The following SEC24D variants were observed in gnomAD, a reference collection of about 807,000 sequenced individuals.
SEC24D encodes the protein SEC24 homolog D, COPII component, also known as protein transport protein Sec24D.
SEC24D carries 69 observed loss-of-function variants against 116.9 expected under a neutral mutation model. The observed-to-expected ratio is 0.59, with a 90% CI of 0.49 to 0.72. SEC24D has a LOEUF of 0.72. SEC24D is among the 30% of genes least tolerant of loss of function. The pLI, the probability that SEC24D is intolerant of heterozygous loss-of-function variation, is 0.00. For missense variants in SEC24D, 1,131 were observed against 1,264.1 expected (o/e 0.89, Z 1.60); for synonymous variants, 405 against 442.8 (o/e 0.91, Z 1.07).
chr4:118,826,898 G>A (rs1730613651), intron 2 of SEC24D, among the ~76,000 whole-genome samples: 1 of 152,216 alleles, frequency 6.6e-6, no homozygotes, highest in East Asian at 1.9e-4. Context: ...AGGTGCCTTT[G>A]AGCCATTTGA....
rs1455758932 is a variant in SEC24D, at chr4:118,817,393, CA to C, written c.267del (p.Val90SerfsTer181). On this transcript the variant is annotated frameshift_variant, in exon 4 of 23. Transcript: ENST00000280551. LOFTEE classifies it high-confidence loss of function. ...HPPQRFPGPPPVNNVASSHAP... is the reference protein window; with the variant it reads ...HPPQRFPGPPXVNNVASSHAP... The stretch of plus-strand genomic sequence containing the variant: ...GCATGTGAGGATGCCACATTGTTGA[CA>C]GGTGGAGGGCCTGGAAATCTGAGAG... 11 of 1,610,162 alleles carry C rather than the reference CA, an allele frequency of 6.8e-6. No individual in the cohort carries two copies. Among genetic ancestry groups the C allele is most frequent in the Admixed American group, 1.7e-5 (1 of 59,334 alleles).
At chr4:118,738,466 A>G (rs1262626205) in intron 18 of SEC24D, 87 bp from the exon 19 acceptor site, 5 of 931,890 alleles carry the variant, frequency 5.4e-6, no homozygotes, top group East Asian at 4.9e-5. Context: ...ACAAGTTGCT[A>G]TTATCTTCAG....
chr4:118,818,950 C>A (rs995556195), intron 3 of SEC24D, among the ~76,000 whole-genome samples: 2 of 152,198 alleles, frequency 1.3e-5, no homozygotes, highest in African/African-American at 4.8e-5. Context: ...TTAGGCTAAG[C>A]ACCCTTTGAC....
At chr4:118,803,979 A>G (rs1431654094) in intron 7 of SEC24D, among the ~76,000 whole-genome samples, 1 of 152,160 alleles carries the variant, frequency 6.6e-6, no homozygotes, top group African/African-American at 2.4e-5. Flanking sequence ...CTGGCACATA[A>G]TAGGTACTGA....
chr4:118,746,298 A>T (rs1201085554), intron 13 of SEC24D, among the ~76,000 whole-genome samples: 1 of 150,790 alleles, frequency 6.6e-6, no homozygotes, highest in Non-Finnish European at 1.5e-5. Flanking sequence ...ACAGTCCTTT[A>T]TCTGGGTGGG....
In SEC24D at chr4:118,731,581, C is replaced by T. The variant is rs1186440506; in HGVS notation, c.2677-74G>A. The T allele has an allele frequency of 1.1e-5, 14 of 1,303,388 alleles. No homozygotes were observed. In the East Asian group the frequency reaches 3.2e-4, roughly 30 times the overall value. 80.7% of individuals were successfully genotyped at this position (1,303,388 alleles called of 1,614,324 possible). On this transcript the variant is annotated intron_variant, in intron 20 of 22. Coordinates refer to ENST00000280551, the MANE Select transcript of SEC24D (RefSeq NM_014822.4). The stretch of plus-strand genomic sequence containing the variant: ...CTTCCCTCCTTCCTCTTTTCCTTTC[C>T]TTTTTCCTCCCTCCCCTCCCTCAAT...
At chr4:118,753,257 G>A (rs1202554655) in intron 11 of SEC24D, among the ~76,000 whole-genome samples, 1 of 151,990 alleles carries the variant, frequency 6.6e-6, no homozygotes, top group Non-Finnish European at 1.5e-5. Flanking sequence ...GTCACCAGAA[G>A]GTCAGAAGAA....
At chr4:118,797,255 G>A (rs1729218150) in intron 8 of SEC24D, among the ~76,000 whole-genome samples, 3 of 152,138 alleles carry the variant, frequency 2.0e-5, no homozygotes, top group Non-Finnish European at 2.9e-5. Flanking sequence ...GAGTTGATGA[G>A]TATCCTGGCC....
At chr4:118,725,136 A>C (rs1013809575) in intron 22 of SEC24D, among the ~76,000 whole-genome samples, 1 of 152,202 alleles carries the variant, frequency 6.6e-6, no homozygotes. Flanking sequence ...TAGTAAAAAT[A>C]ATAATATATA....
At chr4:118,752,524 A>G (rs1349973212) in intron 12 of SEC24D, among the ~76,000 whole-genome samples, 173 bp downstream of exon 12, 2 of 152,204 alleles carry the variant, frequency 1.3e-5, no homozygotes, top group Non-Finnish European at 2.9e-5. Context: ...AATCTCTTAG[A>G]TACTTGTCTA....
intron 3 of SEC24D, among the ~76,000 whole-genome samples, chr4:118,823,523 A>G (rs566225761): frequency 3.3e-5 from 5 of 152,334 alleles, no homozygotes; most frequent in Admixed American, 1.3e-4. Context: ...CCTGGGAAGG[A>G]ACCTGAGAAA....
intron 8 of SEC24D, among the ~76,000 whole-genome samples, chr4:118,768,799 A>G (rs1727764322): frequency 6.6e-6 from 1 of 152,226 alleles, no homozygotes; most frequent in African/African-American, 2.4e-5. Flanking sequence ...GTTGTCCAGA[A>G]TACCCAAACA....
At chr4:118,780,640 A>T (rs1728356635) in intron 8 of SEC24D, among the ~76,000 whole-genome samples, 1 of 152,196 alleles carries the variant, frequency 6.6e-6, no homozygotes, top group Non-Finnish European at 1.5e-5. Flanking sequence ...AGCTGAGTTC[A>T]AGTCCTGGAT....
chr4:118,796,313 C>A (rs1464601344), intron 8 of SEC24D, among the ~76,000 whole-genome samples: 2 of 152,178 alleles, frequency 1.3e-5, no homozygotes, highest in African/African-American at 4.8e-5. Flanking sequence ...CTCATTCATA[C>A]TAAGCATAGT....
chr4:118,831,028 T>A (rs569268030), intron 2 of SEC24D, among the ~76,000 whole-genome samples: 2 of 152,104 alleles, frequency 1.3e-5, no homozygotes, highest in Non-Finnish European at 2.9e-5. Flanking sequence ...AGAGGTTTTT[T>A]TGCTTGTTTG....
chr4:118,798,188 C>T (rs1260230950), intron 7 of SEC24D, among the ~76,000 whole-genome samples: 1 of 152,098 alleles, frequency 6.6e-6, no homozygotes, highest in Admixed American at 6.6e-5. Flanking sequence ...TTTTGAATCA[C>T]AATCATTTCT....
intron 10 of SEC24D, 107 bp downstream of exon 10, chr4:118,764,695 A>T: frequency 1.5e-6 from 1 of 653,002 alleles, no homozygotes. Flanking sequence ...CCATGGTACC[A>T]CCAAAATGCT....
chr4:118,753,909 G>GT (rs1431636610), intron 11 of SEC24D: 1 of 152,168 alleles, frequency 6.6e-6, no homozygotes, highest in Non-Finnish European at 1.5e-5. Context: ...AAGGAACCTG[G>GT]TTTGCCCAGC....
chr4:118,726,254 T>C (rs1725406520), intron 22 of SEC24D, among the ~76,000 whole-genome samples: 1 of 152,144 alleles, frequency 6.6e-6, no homozygotes, highest in Non-Finnish European at 1.5e-5. Context: ...CCTCGGGGAA[T>C]ACCAACTCTT....
Sources: allele counts gnomAD v4.1 joint callset (sites outside exome capture counted in the v4.1 genomes callset), GRCh38; gene constraint gnomAD v4.1.1; transcripts MANE v1.5; gene names NCBI Gene and HGNC (gene_info 2026-07-23, HGNC 2026-07-21).